The following NUF2 variants were observed in gnomAD, a reference collection of about 807,000 sequenced individuals.
The protein encoded by NUF2 is kinetochore protein Nuf2.
NUF2 carries 34 observed loss-of-function variants against 61.8 expected under a neutral mutation model. That is an observed-to-expected ratio of 0.55 (90% CI 0.42 to 0.73). The LOEUF is 0.73. Among genes scored for constraint, NUF2 ranks in the 30% least tolerant of loss-of-function variants. The pLI, the probability that NUF2 is intolerant of heterozygous loss-of-function variation, is 0.00. For missense variants in NUF2, 445 were observed against 539.1 expected, an observed-to-expected ratio of 0.83 and a Z score of 1.73; for synonymous variants, 172 against 181.6, an observed-to-expected ratio of 0.95 and a Z score of 0.42.
chr1:163,349,275 G>A (rs1257748389), intron 13 of NUF2, among the ~76,000 whole-genome samples, 195 bp downstream of exon 13: 1 of 152,002 alleles, frequency 6.6e-6, no homozygotes, highest in Admixed American at 6.6e-5. Flanking sequence ...ATGAGAACAG[G>A]CATCTTGTCT....
chr1:163,355,596 ACT>A lies in NUF2; in HGVS notation c.*131_*132del, dbSNP rs1651461115. The A allele has an allele frequency of 3.0e-6, 2 of 658,698 alleles. No individual in the cohort carries two copies. Among genetic ancestry groups the A allele is most frequent in the Non-Finnish European group, 5.0e-6 (2 of 403,306 alleles). The allele number at this position is 658,698 out of a possible 1,614,324, so 40.8% of individuals were successfully genotyped here. ...ATGTTGGCTTCATCAGTTTTTATACACTCTCATAAGTAGTTAATAAGATGAAT... is the reference window on the plus strand; with the variant it reads ...ATGTTGGCTTCATCAGTTTTTATACACTCATAAGTAGTTAATAAGATGAAT... On this transcript the variant is annotated 3_prime_UTR_variant, in exon 14 of 14. Transcript: ENST00000271452.
intron 9 of NUF2, among the ~76,000 whole-genome samples, chr1:163,342,060 C>A: frequency 6.6e-6 from 1 of 152,056 alleles, no homozygotes; most frequent in East Asian, 1.9e-4. Context: ...TAGATACGGC[C>A]TTTATGGTTT....
intron 5 of NUF2, among the ~76,000 whole-genome samples, chr1:163,333,323 C>A (rs80243929): frequency 0.17 from 25,751 of 151,950 alleles, 2,236 homozygotes; most frequent in Non-Finnish European, 0.19. Flanking sequence ...TTCTTGTAGA[C>A]AGCATATGGT....
chr1:163,338,126 A>G, intron 7 of NUF2, 33 bp downstream of exon 7: 1 of 1,524,768 alleles, frequency 6.6e-7, no homozygotes, highest in Non-Finnish European at 9.1e-7. Flanking sequence ...AAATAAATGC[A>G]ATTTCAAAAT....
chr1:163,340,932 A>G (rs990479822), intron 9 of NUF2, among the ~76,000 whole-genome samples: 4 of 152,222 alleles, frequency 2.6e-5, no homozygotes, highest in Non-Finnish European at 4.4e-5. Context: ...TGTGTGTATC[A>G]TATGCATACA....
intron 13 of NUF2, among the ~76,000 whole-genome samples, chr1:163,352,239 A>T (rs370357270): frequency 1.2e-4 from 19 of 152,318 alleles, no homozygotes; most frequent in African/African-American, 4.6e-4. Flanking sequence ...ATAGCCCTTC[A>T]TACATACAGC....
Position 163,336,872 on chromosome 1 carries a change from G to T in NUF2, c.435+24G>T, listed in dbSNP as rs200729694. 8.7e-6 allele frequency: 12 copies of T among 1,387,090 alleles called. No homozygotes were observed. The Admixed American group carries it at 1.5e-4, about 17-fold the overall frequency. 85.9% of individuals were successfully genotyped at this position (1,387,090 alleles called of 1,614,324 possible). Reference sequence around the variant, plus strand: ...ATGTAAGATTTAAATATGTTTTGGGGTTACATGCCAGATCAGTAACATTAT... The same window carrying T: ...ATGTAAGATTTAAATATGTTTTGGGTTTACATGCCAGATCAGTAACATTAT... On this transcript the variant is annotated intron_variant, in intron 6 of 13. Coordinates refer to ENST00000271452, the MANE Select transcript of NUF2 (RefSeq NM_145697.3).
intron 7 of NUF2, 57 bp from the exon 8 acceptor site, chr1:163,339,324 T>C (rs1279023921): frequency 1.9e-6 from 2 of 1,025,804 alleles, no homozygotes; most frequent in Admixed American, 4.0e-5. Context: ...GACAGGTATT[T>C]CATTTTAGCC....
In NUF2 at chr1:163,327,568, T is replaced by A; in HGVS notation, c.198+6T>A. On this transcript the variant is annotated splice_donor_region_variant and intron_variant, in intron 3 of 13. Transcript: ENST00000271452. Reference sequence around the variant, plus strand: ...GACTGGAACATTTTTACATGGTGAGTTTAAGATGAGGCAAAATTATGGGGT... The same window carrying A: ...GACTGGAACATTTTTACATGGTGAGATTAAGATGAGGCAAAATTATGGGGT... The A allele has an allele frequency of 6.3e-7, 1 of 1,588,726 alleles. No homozygotes were observed. The highest frequency in any genetic ancestry group is 8.6e-7 in the Non-Finnish European group (1 of 1,157,506).
intron 5 of NUF2, among the ~76,000 whole-genome samples, chr1:163,334,264 C>G (rs1650685799): frequency 6.6e-6 from 1 of 152,096 alleles, no homozygotes; most frequent in Non-Finnish European, 1.5e-5. Context: ...GTGAATAGTG[C>G]TACAATAAAC....
chr1:163,350,795 G>A (rs1335519268), intron 13 of NUF2, among the ~76,000 whole-genome samples: 5 of 152,136 alleles, frequency 3.3e-5, no homozygotes, highest in East Asian at 1.9e-4. Context: ...TTTTAATGTG[G>A]CATTTGAGAC....
intron 8 of NUF2, 64 bp from the exon 9 acceptor site, chr1:163,340,300 A>G: frequency 8.5e-7 from 1 of 1,173,114 alleles, no homozygotes; most frequent in Non-Finnish European, 1.3e-6. Context: ...TTTATGAGAC[A>G]GCAGTGAGTG....
intron 2 of NUF2, among the ~76,000 whole-genome samples, chr1:163,326,852 GCTTT>G (rs922253677): frequency 6.6e-6 from 1 of 152,066 alleles, no homozygotes; most frequent in African/African-American, 2.4e-5. Context: ...AGTAAATTCA[GCTTT>G]CTTAAAAGAT....
At chr1:163,342,881 T>C (rs1176670249) in intron 9 of NUF2, among the ~76,000 whole-genome samples, 2 of 152,206 alleles carry the variant, frequency 1.3e-5, no homozygotes, top group African/African-American at 4.8e-5. Context: ...AATGTATTTA[T>C]GTGTTATATG....
chr1:163,355,484 T>A lies in NUF2; in HGVS notation c.*15T>A. On this transcript the variant is annotated 3_prime_UTR_variant, in exon 14 of 14. Coordinates refer to ENST00000271452, the MANE Select transcript of NUF2 (RefSeq NM_145697.3). ...TGTCAACCTGATTAACAAAATTACA[T>A]GTCTTTTTGTAAATGGCTTGCCATC... 1.3e-6 allele frequency: 2 copies of A among 1,573,910 alleles called. No homozygotes were observed. Among genetic ancestry groups the A allele is most frequent in the Non-Finnish European group, 1.7e-6 (2 of 1,163,298 alleles).
At chr1:163,328,404 A>G (rs144463022) in intron 4 of NUF2, 100 bp downstream of exon 4, 2 of 685,532 alleles carry the variant, frequency 2.9e-6, no homozygotes, top group Non-Finnish European at 4.9e-6. Flanking sequence ...AATACCTACT[A>G]TGTTCCTTTT....
intron 5 of NUF2, among the ~76,000 whole-genome samples, chr1:163,334,919 A>G (rs975530937): frequency 6.6e-6 from 1 of 152,066 alleles, no homozygotes; most frequent in Non-Finnish European, 1.5e-5. Context: ...GGCTGACTGT[A>G]CTATGCCATT....
Position 163,339,333 on chromosome 1 carries a change from C to G in NUF2, c.510-48C>G, listed in dbSNP as rs1487263874. On this transcript the variant is annotated intron_variant, in intron 7 of 13. Transcript: ENST00000271452. Reference sequence around the variant, plus strand: ...TTTGAGGACAGGTATTTCATTTTAGCCTTTCAAAAGTGAAGAGCAGTATTT... The same window carrying G: ...TTTGAGGACAGGTATTTCATTTTAGGCTTTCAAAAGTGAAGAGCAGTATTT... The G allele has an allele frequency of 2.7e-6, 3 of 1,124,174 alleles. No individual in the cohort carries two copies. The African/African-American group carries it at 4.7e-5, about 17-fold the overall frequency. 69.6% of individuals were successfully genotyped at this position (1,124,174 alleles called of 1,614,324 possible). A position where few individuals can be genotyped will look rare whatever the true frequency, so the allele number is the denominator to read the frequency against.
chr1:163,330,437 A>G (rs921484845), intron 5 of NUF2, among the ~76,000 whole-genome samples: 10 of 152,174 alleles, frequency 6.6e-5, no homozygotes, highest in African/African-American at 2.4e-4. Context: ...CTGTATGTCT[A>G]TCTTTATGTC....
Sources: gnomAD v4.1 joint callset for allele counts (sites outside exome capture counted in the v4.1 genomes callset) on GRCh38, gnomAD v4.1.1 for gene constraint, MANE v1.5 for transcripts, NCBI Gene and HGNC (gene_info 2026-07-23, HGNC 2026-07-21) for gene names.